Variants in GBGT1 observed in about 807,000 individuals in gnomAD.
The protein encoded by GBGT1 is globoside alpha-1,3-N-acetylgalactosaminyltransferase 1 (FORS blood group).
GBGT1 carries 18 observed loss-of-function variants against 20.9 expected under a neutral mutation model. The observed-to-expected ratio is 0.86, with a 90% CI of 0.60 to 1.28. The LOEUF (loss-of-function observed/expected upper bound fraction) is 1.28. GBGT1 is among the 50% of genes most tolerant of loss of function. The probability of loss-of-function intolerance (pLI) is 0.00; values close to 1 mark genes in which losing one functional copy is unlikely to be tolerated. For synonymous variants in GBGT1, 168 were observed against 180.8 expected (o/e 0.93, Z 0.57); for missense variants, 432 against 455.7 (o/e 0.95, Z 0.47).
intron 1 of GBGT1, chr9:133,163,062 G>A (rs1459128418): frequency 6.5e-6 from 1 of 153,234 alleles, no homozygotes; most frequent in Non-Finnish European, 1.5e-5. Flanking sequence ...GCGGATCCCT[G>A]CCTTGGCTCC....
At chr9:133,163,268 A>G (rs1833111190) in intron 1 of GBGT1, 1 of 152,230 alleles carries the variant, frequency 6.6e-6, no homozygotes, top group African/African-American at 2.4e-5. Flanking sequence ...CCTCTCCGGG[A>G]GGCAGGGCCC....
At chr9:133,161,410 C>T (rs1233607670) in intron 3 of GBGT1, 57 bp downstream of exon 3, 7 of 1,076,054 alleles carry the variant, frequency 6.5e-6, no homozygotes, top group Non-Finnish European at 8.3e-6. Flanking sequence ...TCTCCTGTCT[C>T]CCCAACTGTG....
At chr9:133,157,868 C>G (rs573844819) in intron 3 of GBGT1, among the ~76,000 whole-genome samples, 1 of 152,168 alleles carries the variant, frequency 6.6e-6, no homozygotes. Context: ...AAAGACCGGC[C>G]GGGCGTGGTG....
rs763981088 is a variant in GBGT1, at chr9:133,153,979, C to T, written c.642G>A (p.Pro214=). The T allele has an allele frequency of 1.8e-5, 29 of 1,613,630 alleles. No homozygotes were observed. The highest frequency in any genetic ancestry group is 1.0e-4 in the Admixed American group (6 of 60,000). ...CLDVDMVFRN[P]WGPETLGDLV... ...GGTCTCCCAAGGTCTCAGGGCCCCA[C>T]GGGTTCCGAAACACCATGTCCACAT... Residue 214 remains proline (P), a synonymous_variant, in exon 7 of 7, where the codon CCG becomes CCA. Coordinates refer to ENST00000372040, the MANE Select transcript of GBGT1 (RefSeq NM_021996.6).
rs779070397 is a variant in GBGT1, at chr9:133,161,425, G to T, written c.137+42C>A. ...TCTCCTGTCTCCCCAACTGTGAGCA[G>T]CCCTCAGGGCCCCCAGTTCTCCTAG... On this transcript the variant is annotated intron_variant, in intron 3 of 6. Transcript: ENST00000372040. 5 of 1,296,780 alleles carry T rather than the reference G, an allele frequency of 3.9e-6. No homozygotes were observed. The East Asian group carries it at 7.0e-5, about 18-fold the overall frequency. The allele number at this position is 1,296,780 out of a possible 1,614,324, so 80.3% of individuals were successfully genotyped here.
chr9:133,160,971 C>T (rs951624435), intron 3 of GBGT1: 4 of 338,954 alleles, frequency 1.2e-5, no homozygotes, highest in African/African-American at 8.5e-5. Flanking sequence ...GATCACGCCA[C>T]TGCACTCCAG....
chr9:133,156,895 A>G (rs948648407), intron 3 of GBGT1, among the ~76,000 whole-genome samples: 2 of 152,124 alleles, frequency 1.3e-5, no homozygotes, highest in Non-Finnish European at 2.9e-5. Context: ...TATTTTGTAG[A>G]TGTGATTAAC....
chr9:133,162,307 A>G, intron 2 of GBGT1, 35 bp downstream of exon 2: 1 of 1,492,442 alleles, frequency 6.7e-7, no homozygotes, highest in Non-Finnish European at 9.2e-7. Flanking sequence ...CTGGGTGGGG[A>G]TAGAGACAGG....
chr9:133,161,531 C>G lies in GBGT1; in HGVS notation c.73G>C (p.Val25Leu). The change falls in exon 3 of 7, where the codon GTG (valine) becomes CTG (leucine). Residue 25 changes from valine to leucine, a missense_variant and splice_region_variant. Physicochemically the swap from Val to Leu is conservative, Grantham distance 32. Coordinates refer to ENST00000372040, the MANE Select transcript of GBGT1 (RefSeq NM_021996.6). ...LAGTSLSVLW[V>L]YLENWLPVSY... The stretch of plus-strand genomic sequence containing the variant: ...ACTGGCAGCCAGTTCTCAAGATACA[C>G]CCTGTGAATAAAAAAAAGAAAAAAA... 1 of 1,603,660 alleles carries G rather than the reference C, an allele frequency of 6.2e-7. No homozygotes were observed.
intron 1 of GBGT1, 156 bp downstream of exon 1, chr9:133,163,598 C>A (rs1833124315): frequency 6.5e-6 from 1 of 152,960 alleles, no homozygotes; most frequent in Non-Finnish European, 1.5e-5. Flanking sequence ...GAGCCCAGCC[C>A]CGAGCGCCGC....
Position 133,153,828 on chromosome 9 carries a change from A to C in GBGT1, c.793T>G (p.Phe265Val). 1 of 1,590,222 alleles carries C rather than the reference A, an allele frequency of 6.3e-7. No individual in the cohort carries two copies. ...TATACCCTGGCCACCTGCCCCCCGA[A>C]GACTGCCCCACCATAATAGAAGTCC... ...EGDFYYGGAV[F>V]GGQVARVYEF... The change falls in exon 7 of 7, where the codon TTC (phenylalanine) becomes GTC (valine). Residue 265 changes from phenylalanine to valine, a missense_variant. Coordinates refer to ENST00000372040, the MANE Select transcript of GBGT1 (RefSeq NM_021996.6).
rs1474689580 is a variant in GBGT1 at position 133,153,386 on chromosome 9, C to T, written c.*191G>A. On this transcript the variant is annotated 3_prime_UTR_variant, in exon 7 of 7. Coordinates refer to ENST00000372040, the MANE Select transcript of GBGT1 (RefSeq NM_021996.6). ...CCCCTGTCTCACTGTTCCCATGCCG[C>T]GTTACTGTGAGATCCTGTGTGCTAC... 4 of 409,060 alleles carry T rather than the reference C, an allele frequency of 9.8e-6. No homozygotes were observed. Among genetic ancestry groups the T allele is most frequent in the East Asian group, 3.6e-5 (1 of 27,964 alleles). 25.3% of individuals were successfully genotyped at this position (409,060 alleles called of 1,614,324 possible). A position where few individuals can be genotyped will look rare whatever the true frequency, so the allele number is the denominator to read the frequency against.
chr9:133,163,657 A>C (rs1833126818), intron 1 of GBGT1, 97 bp downstream of exon 1: 1 of 152,278 alleles, frequency 6.6e-6, no homozygotes, highest in South Asian at 2.0e-4. Context: ...CGAGATGCGC[A>C]CCTCCTGGGC....
rs1747592351 is a variant in GBGT1 at position 133,153,950 on chromosome 9, A to G, written c.671T>C (p.Val224Ala). The change falls in exon 7 of 7, where the codon GTG becomes GCG. Residue 224 changes from valine (V) to alanine (A), a missense_variant. Transcript: ENST00000372040. ...GTAGTAGCTTGGGTGAATGGCAGCC[A>G]CCAGGTCTCCCAAGGTCTCAGGGCC... ...PWGPETLGDL[V>A]AAIHPSYYAV... 6.2e-7 allele frequency: 1 copy of G among 1,611,614 alleles called. No homozygotes were observed. The highest frequency in any genetic ancestry group is 8.5e-7 in the Non-Finnish European group (1 of 1,178,164).
chr9:133,159,988 T>TAA (rs61385460), intron 3 of GBGT1: 8 of 133,254 alleles, frequency 6.0e-5, no homozygotes, highest in East Asian at 2.2e-4. Context: ...CTAGTAATAA[T>TAA]AAAAAAAAAA....
In GBGT1 at chr9:133,154,542, T is replaced by G. The variant is rs1012416634; in HGVS notation, c.360-281A>C. On this transcript the variant is annotated intron_variant, in intron 6 of 6. Transcript: ENST00000372040. This position sits in a 1 kb window ranked among gnomAD's most constrained non-coding sequence, Gnocchi z 4.2. ...GTGCCCAGCGACGTTCTAAGAATTC[T>G]TATGATCTTTGATCTGCATAAGCAT... 1.2e-5 allele frequency: 4 copies of G among 328,084 alleles called. No homozygotes were observed. Among genetic ancestry groups the G allele is most frequent in the Non-Finnish European group, 2.2e-5 (4 of 179,848 alleles). The allele number at this position is 328,084 out of a possible 1,614,324, so 20.3% of individuals were successfully genotyped here. A position where few individuals can be genotyped will look rare whatever the true frequency, so the allele number is the denominator to read the frequency against.
chr9:133,156,336 A>G (rs1445021119), intron 3 of GBGT1, among the ~76,000 whole-genome samples: 3 of 152,002 alleles, frequency 2.0e-5, no homozygotes, highest in African/African-American at 4.8e-5. Context: ...TTTTCCAACC[A>G]TGTCGCTCTC....
chr9:133,157,733 G>T (rs1199983787), intron 3 of GBGT1, among the ~76,000 whole-genome samples: 1 of 152,242 alleles, frequency 6.6e-6, no homozygotes, highest in Non-Finnish European at 1.5e-5. Context: ...GCCACTAACT[G>T]GCCCAGGGAC....
intron 5 of GBGT1, 150 bp from the exon 6 acceptor site, chr9:133,155,462 T>C: frequency 1.2e-6 from 1 of 838,588 alleles, no homozygotes; most frequent in Non-Finnish European, 1.8e-6. Flanking sequence ...GGGATAATGA[T>C]AGCCACCTCC....
Sources: gnomAD v4.1 joint callset for allele counts (sites outside exome capture counted in the v4.1 genomes callset) on GRCh38, gnomAD v4.1.1 for gene constraint, Gnocchi (gnomAD v3.1) non-coding constraint, MANE v1.5 for transcripts, NCBI Gene and HGNC (gene_info 2026-07-23, HGNC 2026-07-21) for gene names.